Variants in SORCS2 observed in about 807,000 individuals in gnomAD.
SORCS2 encodes the protein VPS10 domain-containing receptor SorCS2.
SORCS2 carries 100 observed loss-of-function variants against 141.6 expected under a neutral mutation model. That is an observed-to-expected ratio of 0.71 (90% CI 0.60 to 0.83). SORCS2 has a LOEUF of 0.83. Among genes scored for constraint, SORCS2 ranks in the 40% least tolerant of loss-of-function variants. SORCS2 has a pLI of 0.00. For missense variants in SORCS2, 1,646 were observed against 1,560.2 expected (o/e 1.05, Z -0.93); for synonymous variants, 789 against 676.9 (o/e 1.17, Z -2.57).
intron 1 of SORCS2, among the ~76,000 whole-genome samples, chr4:7,261,256 G>A (rs1043093517): frequency 6.6e-5 from 10 of 152,206 alleles, no homozygotes; most frequent in Non-Finnish European, 1.0e-4. Flanking sequence ...CAGAGGGGCT[G>A]GTGATTCTCT....
At chr4:7,505,023 T>C (rs899822920) in intron 2 of SORCS2, among the ~76,000 whole-genome samples, 1 of 151,686 alleles carries the variant, frequency 6.6e-6, no homozygotes, top group Non-Finnish European at 1.5e-5. Flanking sequence ...TAAACCAAAG[T>C]CAATAGGGGT....
chr4:7,399,496 A>T (rs1354635276), intron 2 of SORCS2, among the ~76,000 whole-genome samples: 1 of 151,936 alleles, frequency 6.6e-6, no homozygotes, highest in African/African-American at 2.4e-5. Flanking sequence ...TGTCAGCGGC[A>T]CCCCCTCCTG....
intron 2 of SORCS2, among the ~76,000 whole-genome samples, chr4:7,507,321 C>T (rs1173133289): frequency 3.3e-5 from 5 of 152,068 alleles, no homozygotes; most frequent in South Asian, 4.1e-4. Context: ...ATTACAGGCG[C>T]GTGCCACCAC....
intron 2 of SORCS2, among the ~76,000 whole-genome samples, chr4:7,487,735 C>T (rs978981833): frequency 6.6e-6 from 1 of 152,128 alleles, no homozygotes; most frequent in Non-Finnish European, 1.5e-5. Flanking sequence ...CGCCTCCAGC[C>T]CCATGCTGCC....
Position 7,463,368 on chromosome 4 carries a change from G to C in SORCS2, c.548+67013G>C, listed in dbSNP as rs148377229. Among the ~76,000 whole-genome samples the C allele has an allele frequency of 6.3e-3, 961 of 152,254 alleles. 5 individuals are homozygous for C. Among genetic ancestry groups the C allele is most frequent in the Non-Finnish European group, 0.011 (715 of 68,012 alleles). On this transcript the variant is annotated intron_variant, in intron 2 of 26. Transcript: ENST00000507866. ...GGGGATAGGAAGGGAATGGTTATTT[G>C]ACTTCCCTGAAGCTTCACTCACATA...
At chr4:7,523,342 G>A (rs1186182631) in intron 2 of SORCS2, among the ~76,000 whole-genome samples, 2 of 152,174 alleles carry the variant, frequency 1.3e-5, no homozygotes, top group South Asian at 2.1e-4. Context: ...CCCAGGGAGG[G>A]AAACCTGTTC....
At chr4:7,475,534 C>A (rs945335617) in intron 2 of SORCS2, among the ~76,000 whole-genome samples, 5 of 152,198 alleles carry the variant, frequency 3.3e-5, no homozygotes, top group African/African-American at 9.6e-5. Context: ...AGAGCATGGC[C>A]AGCCCAGCTG....
At chr4:7,452,835 A>T (rs535983787) in intron 2 of SORCS2, among the ~76,000 whole-genome samples, 1 of 151,860 alleles carries the variant, frequency 6.6e-6, no homozygotes, top group African/African-American at 2.4e-5. Context: ...TGTTGGGGTC[A>T]GGTGCTGTGT....
At chr4:7,305,789 T>G (rs1273014011) in intron 1 of SORCS2, among the ~76,000 whole-genome samples, 1 of 152,204 alleles carries the variant, frequency 6.6e-6, no homozygotes, top group Non-Finnish European at 1.5e-5. Flanking sequence ...GTCCCTGGGC[T>G]GGGCCCGGGC....
chr4:7,312,842 C>G (rs892565427), intron 1 of SORCS2, among the ~76,000 whole-genome samples: 1 of 152,222 alleles, frequency 6.6e-6, no homozygotes, highest in Admixed American at 6.5e-5. Context: ...GGGGCCTTTT[C>G]TTTGCAACAA....
Position 7,380,883 on chromosome 4 carries a change from G to A in SORCS2, c.481-15405G>A, listed in dbSNP as rs190853907. 3.0e-3 allele frequency among the ~76,000 whole-genome samples: 451 copies of A among 152,258 alleles called. 9 individuals carry two copies. Among genetic ancestry groups the A allele is most frequent in the African/African-American group, 4.4e-3 (183 of 41,548 alleles). On this transcript the variant is annotated intron_variant, in intron 1 of 26. Transcript: ENST00000507866. ...GGCAGATCACGATGTTGAGATCAAG[G>A]CCAGCCTGGCCAACACGGTGAAACC...
At chr4:7,326,780 G>A in intron 1 of SORCS2, among the ~76,000 whole-genome samples, 1 of 152,122 alleles carries the variant, frequency 6.6e-6, no homozygotes, top group Admixed American at 6.5e-5. Flanking sequence ...TCAGGGGCCA[G>A]CCAAGCTTCC....
chr4:7,294,601 C>T (rs1296782619), intron 1 of SORCS2, among the ~76,000 whole-genome samples: 2 of 151,398 alleles, frequency 1.3e-5, no homozygotes, highest in Non-Finnish European at 3.0e-5. Flanking sequence ...TCCTCTGGGC[C>T]CAGCCAGTAC....
At position 7,631,677 on chromosome 4, in the gene SORCS2, C is replaced by G. The variant is rs962924993; in HGVS notation, c.649-6651C>G. Among the ~76,000 whole-genome samples, 5 of 152,110 alleles carry G rather than the reference C, an allele frequency of 3.3e-5. No homozygotes were observed. The East Asian group carries it at 7.8e-4, about 24-fold the overall frequency. On this transcript the variant is annotated intron_variant, in intron 3 of 26. Transcript: ENST00000507866. ...GGCAGAAATCCCATGGGGTTCAGCT[C>G]CTATCCCGGGGGGTCCACACCTATG...
chr4:7,215,584 C>G (rs1728295625), intron 1 of SORCS2, among the ~76,000 whole-genome samples: 2 of 152,270 alleles, frequency 1.3e-5, no homozygotes, highest in South Asian at 4.1e-4. Flanking sequence ...GTGAAGCCAG[C>G]TGGGCTCCTG....
At chr4:7,620,653 C>T (rs768402252) in intron 3 of SORCS2, among the ~76,000 whole-genome samples, 3 of 152,240 alleles carry the variant, frequency 2.0e-5, no homozygotes, top group Non-Finnish European at 4.4e-5. Context: ...GTGTTGGGTA[C>T]ACACACTCCA....
At chr4:7,467,658 C>T (rs187397693) in intron 2 of SORCS2, among the ~76,000 whole-genome samples, 154 of 152,252 alleles carry the variant, frequency 1.0e-3, no homozygotes, top group African/African-American at 3.3e-3. Flanking sequence ...GCCAGGGCTC[C>T]GGCTCCCTCA....
rs749990918 is a variant in SORCS2, at chr4:7,723,843, G to A, written c.2571G>A (p.Thr857=). ...GCGTGTCCGTCAGGGCAGAGAACAC[G>A]GCAGGCCACGATGAGGCGGTGCTCT... ...IYRVSVRAEN[T]AGHDEAVLFV... is the part of the protein sequence containing the mutation. Residue 857 remains threonine (T), a synonymous_variant, in exon 19 of 27, where the codon ACG becomes ACA. Coordinates refer to ENST00000507866, the MANE Select transcript of SORCS2 (RefSeq NM_020777.3). 2.6e-5 allele frequency: 42 copies of A among 1,612,016 alleles called. No homozygotes were observed. Among genetic ancestry groups the A allele is most frequent in the African/African-American group, 5.3e-5 (4 of 74,948 alleles).
intron 1 of SORCS2, among the ~76,000 whole-genome samples, chr4:7,308,254 T>C (rs1395316196): frequency 3.3e-5 from 5 of 152,120 alleles, no homozygotes; most frequent in African/African-American, 4.8e-5. Flanking sequence ...CAGTGCCCGG[T>C]GGGGCCTCAA....
Sources: gnomAD v4.1 joint callset for allele counts (sites outside exome capture counted in the v4.1 genomes callset) on GRCh38, gnomAD v4.1.1 for gene constraint, MANE v1.5 for transcripts, NCBI Gene and HGNC (gene_info 2026-07-23, HGNC 2026-07-21) for gene names.